Variants in LYRM4 observed in about 807,000 individuals in gnomAD.
The protein encoded by LYRM4 is LYR motif-containing protein 4.
LYRM4 carries 9 observed loss-of-function variants against 11.7 expected under a neutral mutation model. That is an observed-to-expected ratio of 0.77 (90% CI 0.46 to 1.34). The LOEUF (loss-of-function observed/expected upper bound fraction) is 1.34, where lower values mean the gene tolerates loss of function less well. LYRM4 is among the 40% of genes most tolerant of loss of function. The pLI, the probability that LYRM4 is intolerant of heterozygous loss-of-function variation, is 0.00. For synonymous variants in LYRM4, 42 were observed against 40.4 expected, an observed-to-expected ratio of 1.04 and a Z score of -0.15; for missense variants, 133 against 112.5, an observed-to-expected ratio of 1.18 and a Z score of -0.82.
At chr6:5,147,767 G>A (rs1757807538) in intron 2 of LYRM4, among the ~76,000 whole-genome samples, 1 of 143,914 alleles carries the variant, frequency 6.9e-6, no homozygotes, top group Admixed American at 7.1e-5. Context: ...CAAGTCAGAC[G>A]TGGTCCACGG....
At chr6:5,059,055 A>G in the LYRM4 span, among the ~76,000 whole-genome samples, 3 of 152,176 alleles carry the variant, frequency 2.0e-5, no homozygotes, top group Non-Finnish European at 4.4e-5. Flanking sequence ...GAAGTCCTCT[A>G]TATGGCCAGG....
intron 2 of LYRM4, among the ~76,000 whole-genome samples, chr6:5,112,443 A>G (rs1366569990): frequency 6.6e-6 from 1 of 152,232 alleles, no homozygotes; most frequent in Non-Finnish European, 1.5e-5. Flanking sequence ...ACAGGCAGGC[A>G]GGGCTCTTTC....
At chr6:5,053,646 A>T in the LYRM4 span, among the ~76,000 whole-genome samples, 1 of 152,056 alleles carries the variant, frequency 6.6e-6, no homozygotes, top group Non-Finnish European at 1.5e-5. Context: ...AAAAAAAGAA[A>T]GAAAGAAAGA....
intron 1 of LYRM4, among the ~76,000 whole-genome samples, chr6:5,245,122 A>ATATG (rs1764123065): frequency 6.2e-4 from 19 of 30,766 alleles, no homozygotes; most frequent in Non-Finnish European, 8.1e-4. Context: ...AAATATATAT[A>ATATG]TATATATATA....
At chr6:5,187,020 A>G (rs1283136475) in intron 2 of LYRM4, 2 of 966,844 alleles carry the variant, frequency 2.1e-6, no homozygotes, top group East Asian at 2.3e-4. Flanking sequence ...AGAATAGTAA[A>G]TGGGGCCCCA....
At chr6:5,110,859 G>A (rs1021753110) in intron 2 of LYRM4, among the ~76,000 whole-genome samples, 1 of 152,156 alleles carries the variant, frequency 6.6e-6, no homozygotes, top group Non-Finnish European at 1.5e-5. Context: ...GGGGTGCTGC[G>A]TTTCTCGCAA....
At chr6:5,104,357 C>T (rs1024382589), downstream of LYRM4, 8 of 152,150 alleles carry the variant, frequency 5.3e-5, no homozygotes, top group Admixed American at 3.9e-4. Context: ...TCACTGCAAC[C>T]TCCGCCTTCC....
At chr6:5,072,119 C>T in the LYRM4 span, among the ~76,000 whole-genome samples, 2 of 152,142 alleles carry the variant, frequency 1.3e-5, no homozygotes, top group Non-Finnish European at 2.9e-5. Context: ...GAATAATGGC[C>T]TCCAGCTCCA....
At chr6:5,192,322 C>T (rs1266666136) in intron 2 of LYRM4, among the ~76,000 whole-genome samples, 2 of 152,022 alleles carry the variant, frequency 1.3e-5, no homozygotes, top group Non-Finnish European at 2.9e-5. Flanking sequence ...AGGCAGGAGG[C>T]CAGTACATAA....
chr6:5,179,065 C>CAAAAAAAAAAAAACAAAAAAAA (rs1759906691), intron 2 of LYRM4, among the ~76,000 whole-genome samples: 1 of 103,904 alleles, frequency 9.6e-6, no homozygotes, highest in African/African-American at 4.0e-5. Flanking sequence ...ACCAAAAAAA[C>CAAAAAAAAAAAAACAAAAAAAA]AAAAAAAAAA....
intron 2 of LYRM4, among the ~76,000 whole-genome samples, chr6:5,111,015 G>T (rs1192707813): frequency 6.6e-6 from 1 of 152,160 alleles, no homozygotes; most frequent in African/African-American, 2.4e-5. Flanking sequence ...GGACTTTCTG[G>T]CCTTCCCTTC....
intron 2 of LYRM4, among the ~76,000 whole-genome samples, chr6:5,163,997 T>G (rs1250343824): frequency 6.6e-6 from 1 of 152,208 alleles, no homozygotes; most frequent in Non-Finnish European, 1.5e-5. Context: ...TGCTGTCATC[T>G]ATAAATACAT....
chr6:5,094,625 C>T, the LYRM4 span, among the ~76,000 whole-genome samples: 1 of 152,320 alleles, frequency 6.6e-6, no homozygotes, highest in South Asian at 2.1e-4. Flanking sequence ...AGTCCAAGCC[C>T]AGCCTTCAGA....
chr6:5,113,735 C>CT (rs10708540), intron 2 of LYRM4, among the ~76,000 whole-genome samples: 7 of 147,900 alleles, frequency 4.7e-5, no homozygotes, highest in Admixed American at 1.3e-4. Context: ...TTCTCTCTCT[C>CT]TTTTTTTTTT....
At chr6:5,135,943 G>A (rs577925293) in intron 2 of LYRM4, among the ~76,000 whole-genome samples, 2 of 152,200 alleles carry the variant, frequency 1.3e-5, no homozygotes, top group African/African-American at 2.4e-5. Context: ...CTTGGCAACC[G>A]CAATTCTACT....
chr6:5,112,827 G>A (rs1205859973), intron 2 of LYRM4, among the ~76,000 whole-genome samples: 1 of 151,992 alleles, frequency 6.6e-6, no homozygotes, highest in African/African-American at 2.4e-5. Context: ...GCTGGAGCTG[G>A]GGCAGGGTAA....
the LYRM4 span, among the ~76,000 whole-genome samples, chr6:5,056,339 C>T: frequency 3.3e-5 from 5 of 151,680 alleles, no homozygotes; most frequent in Non-Finnish European, 7.4e-5. Context: ...ATGGCCTTTT[C>T]AGAAGACTGT....
At chr6:5,210,437 A>G (rs1339658045) in intron 2 of LYRM4, among the ~76,000 whole-genome samples, 1 of 152,112 alleles carries the variant, frequency 6.6e-6, no homozygotes, top group Non-Finnish European at 1.5e-5. Context: ...CATCTGAAGA[A>G]TTTAATTTCA....
chr6:5,217,863 A>G (rs1192843255), intron 1 of LYRM4, among the ~76,000 whole-genome samples: 4 of 152,196 alleles, frequency 2.6e-5, no homozygotes, highest in Non-Finnish European at 5.9e-5. Flanking sequence ...GAAAGGCATA[A>G]GACTAAGGAG....
Sources: allele counts gnomAD v4.1 joint callset (sites outside exome capture counted in the v4.1 genomes callset), GRCh38; gene constraint gnomAD v4.1.1; transcripts MANE v1.5; gene names NCBI Gene and HGNC (gene_info 2026-07-23, HGNC 2026-07-21).